CDH18: variants seen among roughly 807,000 people sequenced by gnomAD.
The protein encoded by CDH18 is cadherin 18.
CDH18 carries 31 observed loss-of-function variants against 67.9 expected under a neutral mutation model. The ratio of observed to expected loss-of-function variants is 0.46; its 90% confidence interval spans 0.34 to 0.62. The LOEUF is 0.62. CDH18 is among the 20% of genes least tolerant of loss of function. The pLI, the probability that CDH18 is intolerant of heterozygous loss-of-function variation, is 0.01. For synonymous variants in CDH18, 362 were observed against 347.2 expected, an observed-to-expected ratio of 1.04 and a Z score of -0.48; for missense variants, 890 against 975.5, an observed-to-expected ratio of 0.91 and a Z score of 1.17.
chr5:20,447,850 G>A (rs1400375460), intron 1 of CDH18, among the ~76,000 whole-genome samples: 11 of 151,906 alleles, frequency 7.2e-5, no homozygotes, highest in East Asian at 1.9e-4. Flanking sequence ...AGATTTTATC[G>A]AATCTACTTT....
At chr5:19,816,165 T>C (rs1004906116) in intron 3 of CDH18, among the ~76,000 whole-genome samples, 1 of 151,912 alleles carries the variant, frequency 6.6e-6, no homozygotes, top group Non-Finnish European at 1.5e-5. Flanking sequence ...ATTAGAATAT[T>C]TTAGCCTAAA....
At chr5:19,497,498 T>C (rs1742538357) in intron 11 of CDH18, among the ~76,000 whole-genome samples, 1 of 152,182 alleles carries the variant, frequency 6.6e-6, no homozygotes. Context: ...AAGAAGACAT[T>C]TGTTCTGCAA....
At chr5:20,351,202 T>A (rs775575677) in intron 1 of CDH18, among the ~76,000 whole-genome samples, 18 of 132,530 alleles carry the variant, frequency 1.4e-4, no homozygotes, top group Non-Finnish European at 2.7e-4. Context: ...GCGTGTGTGT[T>A]ATTGCTTATT....
chr5:20,085,525 C>G (rs1398702707), intron 2 of CDH18, among the ~76,000 whole-genome samples: 5 of 152,172 alleles, frequency 3.3e-5, no homozygotes, highest in African/African-American at 1.2e-4. Context: ...CAATGCCCCG[C>G]TCTACTGGTA....
intron 2 of CDH18, among the ~76,000 whole-genome samples, chr5:20,002,072 T>C (rs1488223024): frequency 6.6e-6 from 1 of 152,212 alleles, no homozygotes; most frequent in Non-Finnish European, 1.5e-5. Context: ...CTAGTCATTA[T>C]TGACATTGAT....
chr5:19,530,045 T>C (rs6875144), intron 9 of CDH18, among the ~76,000 whole-genome samples: 58,927 of 152,058 alleles, frequency 0.39, 12,688 homozygotes, highest in Middle Eastern at 0.48. Context: ...TTTTGTGTCA[T>C]TATAAAACTA....
At chr5:20,317,868 C>A (rs1737619730) in intron 1 of CDH18, among the ~76,000 whole-genome samples, 1 of 152,128 alleles carries the variant, frequency 6.6e-6, no homozygotes, top group Non-Finnish European at 1.5e-5. Flanking sequence ...AGGAAATGTT[C>A]TGAGAACTTC....
At chr5:20,520,386 C>T (rs1755671700) in intron 1 of CDH18, among the ~76,000 whole-genome samples, 1 of 151,890 alleles carries the variant, frequency 6.6e-6, no homozygotes, top group Non-Finnish European at 1.5e-5. Flanking sequence ...ATCATGCATG[C>T]AAAAGAGAAT....
At chr5:20,392,945 G>A (rs867415968) in intron 1 of CDH18, among the ~76,000 whole-genome samples, 1 of 151,684 alleles carries the variant, frequency 6.6e-6, no homozygotes, top group South Asian at 2.1e-4. Flanking sequence ...TTGGATATGA[G>A]TATATGTTTC....
chr5:20,286,485 T>C (rs1447553234), intron 1 of CDH18, among the ~76,000 whole-genome samples: 2 of 151,492 alleles, frequency 1.3e-5, no homozygotes, highest in Non-Finnish European at 1.5e-5. Flanking sequence ...AAAGAACATA[T>C]GATATTGAAG....
intron 4 of CDH18, among the ~76,000 whole-genome samples, chr5:19,741,330 T>TCTCACACA (rs1216277070): frequency 2.1e-5 from 3 of 145,724 alleles, no homozygotes; most frequent in African/African-American, 7.7e-5. Context: ...TATACATGTC[T>TCTCACACA]CACACACACA....
intron 1 of CDH18, among the ~76,000 whole-genome samples, chr5:20,370,311 C>T (rs1742876995): frequency 6.6e-6 from 1 of 151,990 alleles, no homozygotes; most frequent in African/African-American, 2.4e-5. Context: ...ATTGATTTGT[C>T]ATATGATATC....
rs530648289 is a variant in CDH18, at chr5:20,354,561, G to C, written c.-579-99056C>G. Among the ~76,000 whole-genome samples, 3 of 152,026 alleles carry C rather than the reference G, an allele frequency of 2.0e-5. No individual in the cohort carries two copies. The South Asian group carries it at 6.2e-4, about 32-fold the overall frequency. On this transcript the variant is annotated intron_variant, in intron 1 of 14. Coordinates refer to the CDH18 transcript ENST00000507958. ...GGGACTTCAGGTGTGCACCCCACAC[G>C]TGGCGATTTTTTGTACAGGCAGGGT... is the stretch of plus-strand genomic sequence containing the variant.
At chr5:20,372,521 A>T (rs76431015) in intron 1 of CDH18, among the ~76,000 whole-genome samples, 3,440 of 152,262 alleles carry the variant, frequency 0.023, 103 homozygotes, top group East Asian at 0.076. Flanking sequence ...GATTAAAAAA[A>T]TAAACGAAAT....
At chr5:20,421,827 C>CAT (rs139825417) in intron 1 of CDH18, among the ~76,000 whole-genome samples, 34,203 of 147,564 alleles carry the variant, frequency 0.23, 4,642 homozygotes, top group East Asian at 0.4. Context: ...ATATATCAAT[C>CAT]ATATATATAT....
At chr5:19,547,009 A>T (rs1736445076) in intron 8 of CDH18, among the ~76,000 whole-genome samples, 1 of 152,218 alleles carries the variant, frequency 6.6e-6, no homozygotes, top group Non-Finnish European at 1.5e-5. Context: ...CACAAAAACC[A>T]GATGCTACAG....
At chr5:20,095,293 T>G (rs1180734182) in intron 2 of CDH18, among the ~76,000 whole-genome samples, 2 of 122,534 alleles carry the variant, frequency 1.6e-5, no homozygotes, top group Non-Finnish European at 3.3e-5. Flanking sequence ...TCCCAGAACT[T>G]AAAGTAAAAG....
At chr5:19,700,862 T>C (rs920113029) in intron 5 of CDH18, among the ~76,000 whole-genome samples, 2 of 152,062 alleles carry the variant, frequency 1.3e-5, no homozygotes, top group African/African-American at 4.8e-5. Context: ...AGTTACTATC[T>C]GATTCAGAGA....
chr5:19,849,219 T>C (rs1783363800), intron 2 of CDH18, among the ~76,000 whole-genome samples: 1 of 152,028 alleles, frequency 6.6e-6, no homozygotes, highest in Non-Finnish European at 1.5e-5. Context: ...ACTGAAGGTA[T>C]TGGCATGAGA....
Sources: gnomAD v4.1 joint callset for allele counts (sites outside exome capture counted in the v4.1 genomes callset) on GRCh38, gnomAD v4.1.1 for gene constraint, MANE v1.5 for transcripts, NCBI Gene and HGNC (gene_info 2026-07-23, HGNC 2026-07-21) for gene names.